DDX24: variants seen among roughly 807,000 people sequenced by gnomAD.
The protein encoded by DDX24 is DEAD-box helicase 24, also known as ATP-dependent RNA helicase DDX24.
DDX24 carries 24 observed loss-of-function variants against 68.9 expected under a neutral mutation model. That is an observed-to-expected ratio of 0.35 (90% CI 0.25 to 0.49). DDX24 has a LOEUF of 0.49. Among genes scored for constraint, DDX24 ranks in the 20% least tolerant of loss-of-function variants. The pLI is 0.99. For missense variants in DDX24, 989 were observed against 1,039.0 expected, an observed-to-expected ratio of 0.95 and a Z score of 0.66; for synonymous variants, 395 against 385.2, an observed-to-expected ratio of 1.03 and a Z score of -0.30.
chr14:94,060,086 G>A lies in DDX24; in HGVS notation c.1913+12C>T. 1 of 1,607,104 alleles carries A rather than the reference G, an allele frequency of 6.2e-7. No homozygotes were observed. Among genetic ancestry groups the A allele is most frequent in the Non-Finnish European group, 8.5e-7 (1 of 1,175,576 alleles). ...ACTAGAGGTTAAGCCTCTGGGGACA[G>A]TCCTAACTTACTCTTCCAGACGGGC... On this transcript the variant is annotated intron_variant, in intron 5 of 8. Coordinates refer to ENST00000621632, the MANE Select transcript of DDX24 (RefSeq NM_020414.4).
chr14:94,061,155 A>C, intron 3 of DDX24, 89 bp from the exon 4 acceptor site: 1 of 1,464,560 alleles, frequency 6.8e-7, no homozygotes, highest in Non-Finnish European at 9.5e-7. Context: ...ATTAGCAGAG[A>C]CAGACATCAG....
chr14:94,073,407 C>G (rs551664016), intron 2 of DDX24, among the ~76,000 whole-genome samples: 1 of 152,022 alleles, frequency 6.6e-6, no homozygotes, highest in Non-Finnish European at 1.5e-5. Flanking sequence ...CTCAAAGACA[C>G]GAACTGTCTG....
chr14:94,080,002 T>C (rs1228726195), intron 1 of DDX24, among the ~76,000 whole-genome samples: 2 of 152,214 alleles, frequency 1.3e-5, no homozygotes, highest in African/African-American at 4.8e-5. Flanking sequence ...CAACACTTAC[T>C]GCCTGTGTGA....
intron 2 of DDX24, among the ~76,000 whole-genome samples, chr14:94,065,405 A>ACACACACACACACAC (rs1567060057): frequency 1.3e-5 from 2 of 151,894 alleles, no homozygotes; most frequent in East Asian, 1.9e-4. Context: ...ACACACACAC[A>ACACACACACACACAC]AATTCAGTGC....
At chr14:94,070,169 C>T (rs560664201) in intron 2 of DDX24, among the ~76,000 whole-genome samples, 6 of 152,106 alleles carry the variant, frequency 3.9e-5, no homozygotes, top group East Asian at 1.9e-4. Flanking sequence ...GCAAAGTTTC[C>T]GGATACAAGA....
intron 2 of DDX24, among the ~76,000 whole-genome samples, chr14:94,068,507 A>C (rs1270858597): frequency 6.6e-6 from 1 of 152,228 alleles, no homozygotes; most frequent in Non-Finnish European, 1.5e-5. Context: ...CCTTGGAACA[A>C]ATGGACTTAA....
At chr14:94,058,932 C>A (rs938964938) in intron 5 of DDX24, among the ~76,000 whole-genome samples, 1 of 152,112 alleles carries the variant, frequency 6.6e-6, no homozygotes, top group African/African-American at 2.4e-5. Context: ...TCCAGTAAAA[C>A]GTCTACTAAA....
Position 94,051,044 on chromosome 14 carries a change from G to A in DDX24, c.*147C>T, listed in dbSNP as rs1885376777. 6.8e-6 allele frequency: 6 copies of A among 877,688 alleles called. No individual in the cohort carries two copies. The Admixed American group carries it at 1.2e-4, about 18-fold the overall frequency. 54.4% of individuals were successfully genotyped at this position (877,688 alleles called of 1,614,324 possible). On this transcript the variant is annotated 3_prime_UTR_variant, in exon 9 of 9. Coordinates refer to ENST00000621632, the MANE Select transcript of DDX24 (RefSeq NM_020414.4). ...ACTCCAAAACAATGCAAATCTGCAT[G>A]AGGTCTCTCCCGCTATGGGTGTGAG...
At chr14:94,074,784 T>C (rs1885901828) in intron 2 of DDX24, among the ~76,000 whole-genome samples, 1 of 152,164 alleles carries the variant, frequency 6.6e-6, no homozygotes, top group Non-Finnish European at 1.5e-5. Flanking sequence ...GAAAATACCA[T>C]GGAATCCTCA....
intron 3 of DDX24, among the ~76,000 whole-genome samples, chr14:94,061,286 T>C (rs944842260): frequency 1.3e-5 from 2 of 152,102 alleles, no homozygotes; most frequent in Non-Finnish European, 2.9e-5. Flanking sequence ...CCTCATTTCT[T>C]TTCTACTCCC....
chr14:94,069,294 A>C (rs943498268), intron 2 of DDX24, among the ~76,000 whole-genome samples: 7 of 151,960 alleles, frequency 4.6e-5, no homozygotes, highest in African/African-American at 1.4e-4. Flanking sequence ...TGGAAAAAAA[A>C]CCCTCCTAGC....
chr14:94,060,228 TG>T lies in DDX24; in HGVS notation c.1782del (p.Asn595ThrfsTer21). ...MQYPGRSLVF[A>X]NSISCIKRLS... Reference sequence around the variant, plus strand: ...AGGCGTTTGATGCAGGAGATACTGTTGGCAAACACTAAGCTGCGGCCTGGAT... The same window carrying T: ...AGGCGTTTGATGCAGGAGATACTGTTGCAAACACTAAGCTGCGGCCTGGAT... On this transcript the variant is annotated frameshift_variant, in exon 5 of 9. Coordinates refer to ENST00000621632, the MANE Select transcript of DDX24 (RefSeq NM_020414.4). LOFTEE classifies it high-confidence loss of function. 6.2e-7 allele frequency: 1 copy of T among 1,614,178 alleles called. No individual in the cohort carries two copies. The highest frequency in any genetic ancestry group is 8.5e-7 in the Non-Finnish European group (1 of 1,180,022).
rs757397364 is a variant in DDX24 at position 94,079,444 on chromosome 14, T to A, written c.299A>T (p.Lys100Met). The A allele has an allele frequency of 1.2e-6, 2 of 1,614,046 alleles. No individual in the cohort carries two copies. Among genetic ancestry groups the A allele is most frequent in the South Asian group, 2.2e-5 (2 of 91,072 alleles). Residue 100 changes from lysine to methionine, a missense_variant, in exon 2 of 9, where the codon AAG (lysine) becomes ATG (methionine). Coordinates refer to ENST00000621632, the MANE Select transcript of DDX24 (RefSeq NM_020414.4). ...GKSSSPKKKI[K>M]LKKSKNVATE... ...TGCTACATTTTTACTTTTCTTCAAC[T>A]TGATCTTTTTCTTTGGTGAGCTAGA...
intron 5 of DDX24, among the ~76,000 whole-genome samples, chr14:94,058,633 C>T (rs916625511): frequency 1.3e-5 from 2 of 152,126 alleles, no homozygotes; most frequent in Non-Finnish European, 2.9e-5. Flanking sequence ...GATGATGTTT[C>T]TCAATGTGTG....
At chr14:94,074,512 C>T (rs887456697) in intron 2 of DDX24, among the ~76,000 whole-genome samples, 1 of 152,132 alleles carries the variant, frequency 6.6e-6, no homozygotes, top group African/African-American at 2.4e-5. Context: ...GAAAAATATC[C>T]AACATCCAAC....
Position 94,051,028 on chromosome 14 carries a change from C to T in DDX24, c.*163G>A. The T allele has an allele frequency of 2.7e-6, 2 of 728,536 alleles. No homozygotes were observed. The highest frequency in any genetic ancestry group is 7.0e-5 in the Admixed American group (2 of 28,372). 45.1% of individuals were successfully genotyped at this position (728,536 alleles called of 1,614,324 possible). A position where few individuals can be genotyped will look rare whatever the true frequency, so the allele number is the denominator to read the frequency against. ...GCTGCATTGAATTCTTACTCCAAAA[C>T]AATGCAAATCTGCATGAGGTCTCTC... On this transcript the variant is annotated 3_prime_UTR_variant, in exon 9 of 9. Transcript: ENST00000621632.
intron 2 of DDX24, among the ~76,000 whole-genome samples, chr14:94,074,996 C>T (rs1334453789): frequency 6.6e-6 from 1 of 151,992 alleles, no homozygotes; most frequent in Non-Finnish European, 1.5e-5. Flanking sequence ...TAAAACATTG[C>T]TAAGAAAAGT....
intron 2 of DDX24, among the ~76,000 whole-genome samples, chr14:94,070,264 T>C (rs1357098007): frequency 6.7e-6 from 1 of 149,360 alleles, no homozygotes; most frequent in Non-Finnish European, 1.5e-5. Flanking sequence ...CCTTTTAAAA[T>C]GGTTGCAAAA....
At chr14:94,076,166 A>G (rs1885934830) in intron 2 of DDX24, among the ~76,000 whole-genome samples, 1 of 152,252 alleles carries the variant, frequency 6.6e-6, no homozygotes, top group African/African-American at 2.4e-5. Context: ...AGTATTTACA[A>G]TAACTATATT....
Sources: allele counts gnomAD v4.1 joint callset (sites outside exome capture counted in the v4.1 genomes callset), GRCh38; gene constraint gnomAD v4.1.1; transcripts MANE v1.5; gene names NCBI Gene and HGNC (gene_info 2026-07-23, HGNC 2026-07-21).